DRC11: variants seen among roughly 807,000 people sequenced by gnomAD.
DRC11 encodes the protein dynein regulatory complex subunit 11, also known as IQ and AAA domain-containing protein 1.
chr2:236,506,810 C>A, the DRC11 span, among the ~76,000 whole-genome samples: 1 of 152,210 alleles, frequency 6.6e-6, no homozygotes, highest in South Asian at 2.1e-4. This position sits in a 1 kb window ranked among gnomAD's most constrained non-coding sequence, Gnocchi z 4.9. Context: ...CAATGCCACT[C>A]GAGTCTGTGA....
the DRC11 span, among the ~76,000 whole-genome samples, chr2:236,348,356 G>A: frequency 5.9e-5 from 9 of 152,294 alleles, no homozygotes; most frequent in African/African-American, 9.6e-5. The surrounding 1 kb of genome is among the most constrained non-coding windows in gnomAD (Gnocchi z 7.4). Flanking sequence ...TACTGATCCC[G>A]GCTGGGCACC....
the DRC11 span, among the ~76,000 whole-genome samples, chr2:236,325,221 A>G: frequency 6.6e-6 from 1 of 152,136 alleles, no homozygotes; most frequent in African/African-American, 2.4e-5. This position sits in a 1 kb window ranked among gnomAD's most constrained non-coding sequence, Gnocchi z 4.4. Context: ...CCAAATACTA[A>G]CCAAGAACTT....
the DRC11 span, chr2:236,503,533 C>G: frequency 3.4e-6 from 4 of 1,175,156 alleles, no homozygotes; most frequent in South Asian, 4.0e-5. The surrounding 1 kb of genome is among the most constrained non-coding windows in gnomAD (Gnocchi z 4.9). Context: ...CAACTGCAGT[C>G]TGTCTGGGGA....
At chr2:236,321,481 G>T in the DRC11 span, among the ~76,000 whole-genome samples, 1 of 151,824 alleles carries the variant, frequency 6.6e-6, no homozygotes, top group Admixed American at 6.6e-5. Flanking sequence ...ATATCTAAGC[G>T]TATCTACACT....
chr2:236,344,913 T>C, the DRC11 span, among the ~76,000 whole-genome samples: 14 of 105,968 alleles, frequency 1.3e-4, no homozygotes, highest in African/African-American at 1.8e-4. Context: ...GTTGTAAACG[T>C]GCTTCTCTCT....
chr2:236,455,825 C>T, the DRC11 span, among the ~76,000 whole-genome samples: 1 of 152,298 alleles, frequency 6.6e-6, no homozygotes, highest in South Asian at 2.1e-4. This position sits in a 1 kb window ranked among gnomAD's most constrained non-coding sequence, Gnocchi z 5.7. Flanking sequence ...TGTGCATTTG[C>T]TGGCAATCTG....
At chr2:236,315,552 G>T in the DRC11 span, among the ~76,000 whole-genome samples, 1 of 152,180 alleles carries the variant, frequency 6.6e-6, no homozygotes, top group African/African-American at 2.4e-5. This position sits in a 1 kb window ranked among gnomAD's most constrained non-coding sequence, Gnocchi z 5.1. Context: ...ATACATGCAT[G>T]TGTATGTTCA....
At chr2:236,396,134 T>A in the DRC11 span, among the ~76,000 whole-genome samples, 1 of 152,068 alleles carries the variant, frequency 6.6e-6, no homozygotes, top group Non-Finnish European at 1.5e-5. Flanking sequence ...CACTTTTCAA[T>A]CCCTTCAAGA....
At chr2:236,353,816 T>G in the DRC11 span, among the ~76,000 whole-genome samples, 1 of 151,724 alleles carries the variant, frequency 6.6e-6, no homozygotes, top group Non-Finnish European at 1.5e-5. This position sits in a 1 kb window ranked among gnomAD's most constrained non-coding sequence, Gnocchi z 5.0. Flanking sequence ...TTAGGGAGGG[T>G]GCAGGGGCGT....
chr2:236,320,390 A>G, the DRC11 span, among the ~76,000 whole-genome samples: 1 of 152,200 alleles, frequency 6.6e-6, no homozygotes, highest in Non-Finnish European at 1.5e-5. Flanking sequence ...GCTAAAAATC[A>G]CGTCAGTCCT....
chr2:236,319,802 T>C, the DRC11 span, among the ~76,000 whole-genome samples: 1 of 152,168 alleles, frequency 6.6e-6, no homozygotes, highest in Admixed American at 6.5e-5. The surrounding 1 kb of genome is among the most constrained non-coding windows in gnomAD (Gnocchi z 6.7). Context: ...TGCCACTTCA[T>C]CACGAACTCT....
chr2:236,306,826 C>G, the DRC11 span, among the ~76,000 whole-genome samples: 3 of 152,200 alleles, frequency 2.0e-5, no homozygotes, highest in African/African-American at 4.8e-5. The surrounding 1 kb of genome is among the most constrained non-coding windows in gnomAD (Gnocchi z 5.9). Flanking sequence ...TGAAGCCTGT[C>G]TGGTTAATAT....
At chr2:236,363,837 A>C in the DRC11 span, 4 of 1,613,942 alleles carry the variant, frequency 2.5e-6, no homozygotes, top group Non-Finnish European at 3.4e-6. This position sits in a 1 kb window ranked among gnomAD's most constrained non-coding sequence, Gnocchi z 5.6. Flanking sequence ...ATTTCCCAGC[A>C]ATGTTAGAGG....
the DRC11 span, among the ~76,000 whole-genome samples, chr2:236,338,977 G>A: frequency 6.6e-6 from 1 of 152,186 alleles, no homozygotes; most frequent in Admixed American, 6.5e-5. Context: ...TCCAGCCCGT[G>A]GGAGTCAGAT....
chr2:236,356,458 CATGCGGAGCCG>C, the DRC11 span, among the ~76,000 whole-genome samples: 2 of 152,192 alleles, frequency 1.3e-5, no homozygotes, highest in Non-Finnish European at 2.9e-5. Context: ...CAGGGTGGGG[CATGCGGAGCCG>C]ATGCTTCCCC....
chr2:236,425,134 A>G, the DRC11 span, among the ~76,000 whole-genome samples: 1 of 152,038 alleles, frequency 6.6e-6, no homozygotes, highest in East Asian at 1.9e-4. Context: ...GGTAGTGCAG[A>G]CATCTCTTTG....
At chr2:236,406,290 T>A in the DRC11 span, among the ~76,000 whole-genome samples, 1 of 152,230 alleles carries the variant, frequency 6.6e-6, no homozygotes, top group Non-Finnish European at 1.5e-5. This position sits in a 1 kb window ranked among gnomAD's most constrained non-coding sequence, Gnocchi z 4.7. Context: ...CTACTGCTAT[T>A]ATTTCCTGCC....
chr2:236,426,866 G>C, the DRC11 span, among the ~76,000 whole-genome samples: 1 of 152,184 alleles, frequency 6.6e-6, no homozygotes, highest in African/African-American at 2.4e-5. This position sits in a 1 kb window ranked among gnomAD's most constrained non-coding sequence, Gnocchi z 4.1. Context: ...ATCTTGTGCA[G>C]ATCTTAGAGG....
the DRC11 span, among the ~76,000 whole-genome samples, chr2:236,431,558 T>G: frequency 6.6e-6 from 1 of 152,168 alleles, no homozygotes; most frequent in Non-Finnish European, 1.5e-5. The surrounding 1 kb of genome is among the most constrained non-coding windows in gnomAD (Gnocchi z 4.2). Context: ...AAGTTGAGAT[T>G]TGGGTGGGAA....
Sources: gnomAD v4.1 joint callset for allele counts (sites outside exome capture counted in the v4.1 genomes callset) on GRCh38, gnomAD v4.1.1 for gene constraint, Gnocchi (gnomAD v3.1) non-coding constraint, MANE v1.5 for transcripts, NCBI Gene and HGNC (gene_info 2026-07-23, HGNC 2026-07-21) for gene names.